UNC80: variants seen among roughly 807,000 people sequenced by gnomAD.
UNC80 encodes the protein protein unc-80 homolog.
Under a neutral mutation model 384.6 loss-of-function variants are expected in UNC80, and 164 were observed. That is an observed-to-expected ratio of 0.43 (90% CI 0.38 to 0.49). The LOEUF is 0.49. Among genes scored for constraint, UNC80 ranks in the 20% least tolerant of loss-of-function variants. The pLI is 0.00. For synonymous variants in UNC80, 1,486 were observed against 1,527.8 expected, an observed-to-expected ratio of 0.97 and a Z score of 0.64; for missense variants, 3,330 against 4,143.0, an observed-to-expected ratio of 0.80 and a Z score of 5.39.
intron 12 of UNC80, among the ~76,000 whole-genome samples, chr2:209,820,073 G>A (rs1398738235): frequency 6.6e-6 from 1 of 152,188 alleles, no homozygotes; most frequent in Admixed American, 6.5e-5. Flanking sequence ...TTTGGAAGAT[G>A]TACATGAGAT....
chr2:209,870,315 G>T (rs2084185100), intron 22 of UNC80, among the ~76,000 whole-genome samples: 1 of 152,158 alleles, frequency 6.6e-6, no homozygotes, highest in African/African-American at 2.4e-5. Context: ...CTGTTTTAGA[G>T]ACAAACGTTC....
At chr2:209,879,527 G>A (rs1046120294) in intron 24 of UNC80, among the ~76,000 whole-genome samples, 2 of 152,174 alleles carry the variant, frequency 1.3e-5, no homozygotes, top group African/African-American at 4.8e-5. Context: ...TAAGCTCATT[G>A]TCTGCAGGAC....
intron 28 of UNC80, among the ~76,000 whole-genome samples, chr2:209,897,757 C>T (rs2086948420): frequency 6.6e-6 from 1 of 152,078 alleles, no homozygotes; most frequent in African/African-American, 2.4e-5. Context: ...TGTAGTGTTC[C>T]ATAAATAAAC....
chr2:209,901,452 A>G (rs368903130), intron 28 of UNC80, among the ~76,000 whole-genome samples: 3 of 152,192 alleles, frequency 2.0e-5, no homozygotes, highest in African/African-American at 7.2e-5. Context: ...GTTCAGGAAA[A>G]AAAACAAAAA....
chr2:209,940,553 C>T (rs2091559368), intron 43 of UNC80, among the ~76,000 whole-genome samples: 1 of 152,156 alleles, frequency 6.6e-6, no homozygotes, highest in South Asian at 2.1e-4. Context: ...GTGACTCATG[C>T]CTGTAATCCC....
At chr2:209,989,530 T>C (rs930101971) in intron 61 of UNC80, among the ~76,000 whole-genome samples, 1 of 152,188 alleles carries the variant, frequency 6.6e-6, no homozygotes, top group Non-Finnish European at 1.5e-5. Context: ...AATTTGACTA[T>C]CAAATATAAC....
At chr2:209,875,192 T>G (rs751853644) in intron 23 of UNC80, among the ~76,000 whole-genome samples, 1 of 152,140 alleles carries the variant, frequency 6.6e-6, no homozygotes, top group Non-Finnish European at 1.5e-5. Context: ...CTCTAATTCA[T>G]TCTCCAAACT....
chr2:209,943,036 C>T (rs1348358484), intron 44 of UNC80, among the ~76,000 whole-genome samples: 1 of 152,084 alleles, frequency 6.6e-6, no homozygotes, highest in Admixed American at 6.6e-5. Flanking sequence ...ATTCACTTAA[C>T]CAAGATATAT....
At chr2:209,903,495 T>TTA (rs2087717032) in intron 28 of UNC80, among the ~76,000 whole-genome samples, 1 of 2,390 alleles carries the variant, frequency 4.2e-4, no homozygotes, top group South Asian at 0.014. Context: ...AATATATATA[T>TTA]TATATATAGT....
chr2:209,931,248 CTCTG>C (rs1464272615), intron 38 of UNC80, among the ~76,000 whole-genome samples, 194 bp downstream of exon 38: 1 of 152,102 alleles, frequency 6.6e-6, no homozygotes, highest in Non-Finnish European at 1.5e-5. Context: ...GTCAGTTCCT[CTCTG>C]TCTTCCTTTA....
intron 22 of UNC80, among the ~76,000 whole-genome samples, chr2:209,853,640 A>C (rs1178962546): frequency 6.6e-6 from 1 of 152,084 alleles, no homozygotes; most frequent in Admixed American, 6.6e-5. Context: ...TACAAAACTA[A>C]AAAGAAAATA....
chr2:209,841,974 A>C (rs1291288395), intron 20 of UNC80, among the ~76,000 whole-genome samples: 1 of 152,194 alleles, frequency 6.6e-6, no homozygotes, highest in African/African-American at 2.4e-5. Context: ...AAAGTATTCT[A>C]TTTAGCTATC....
chr2:209,845,748 T>A (rs1291435502), intron 21 of UNC80, among the ~76,000 whole-genome samples: 1 of 152,192 alleles, frequency 6.6e-6, no homozygotes, highest in Non-Finnish European at 1.5e-5. Context: ...TCTTGCTTTT[T>A]AAAAATTATA....
At chr2:209,935,633 ATAATATTT>A (rs2091195364) in intron 39 of UNC80, 73 bp from the exon 40 acceptor site, 1 of 609,634 alleles carries the variant, frequency 1.6e-6, no homozygotes, top group Non-Finnish European at 2.6e-6. Context: ...CAGCTTATTG[ATAATATTT>A]TAATATTTTA....
chr2:209,927,072 T>C (rs2090491641), intron 36 of UNC80, 86 bp downstream of exon 36: 7 of 1,399,364 alleles, frequency 5.0e-6, no homozygotes, highest in Admixed American at 2.1e-5. Context: ...AAACACATTA[T>C]CTACTGGCCA....
At chr2:209,974,374 G>A (rs965487965) in intron 56 of UNC80, among the ~76,000 whole-genome samples, 13 of 152,182 alleles carry the variant, frequency 8.5e-5, no homozygotes, top group African/African-American at 3.1e-4. Flanking sequence ...TCAAATCTAA[G>A]CTCTATCATA....
At chr2:209,783,007 C>G (rs1389796959) in intron 4 of UNC80, among the ~76,000 whole-genome samples, 1 of 151,702 alleles carries the variant, frequency 6.6e-6, no homozygotes, top group African/African-American at 2.4e-5. Context: ...AAAAGCAAGC[C>G]CTTCAGGGGA....
Position 209,995,359 on chromosome 2 carries a change from AAGG to A in UNC80, c.9747_9749del (p.Glu3249del), listed in dbSNP as rs1337893914. 5.8e-6 allele frequency: 9 copies of A among 1,552,062 alleles called. No individual in the cohort carries two copies. The highest frequency in any genetic ancestry group is 7.8e-6 in the Non-Finnish European group (9 of 1,147,092). On this transcript the variant is annotated inframe_deletion, in exon 65 of 65. Transcript: ENST00000673920. ...GAACTTCCCCACTGAAGAAGGAGAAAAGGAGGAGGACACAGAAGCACAAGGTGC... is the reference window on the plus strand; with the variant it reads ...GAACTTCCCCACTGAAGAAGGAGAAAAGGAGGACACAGAAGCACAAGGTGC...
At chr2:209,923,934 C>T (rs1025496976) in intron 35 of UNC80, among the ~76,000 whole-genome samples, 30 of 151,950 alleles carry the variant, frequency 2.0e-4, no homozygotes, top group African/African-American at 7.0e-4. Flanking sequence ...AAGATATGTG[C>T]CTGCCGTTTT....
Sources: gnomAD v4.1 joint callset for allele counts (sites outside exome capture counted in the v4.1 genomes callset) on GRCh38, gnomAD v4.1.1 for gene constraint, MANE v1.5 for transcripts, NCBI Gene and HGNC (gene_info 2026-07-23, HGNC 2026-07-21) for gene names.